BLNK: variants seen among roughly 807,000 people sequenced by gnomAD.
BLNK encodes B cell linker, also known as B-cell linker protein.
In BLNK, 29 loss-of-function variants were observed where a neutral mutation model predicts 73.5. The observed-to-expected ratio is 0.39, with a 90% CI of 0.29 to 0.54. The LOEUF is 0.54. BLNK is among the 20% of genes least tolerant of loss of function. The probability of loss-of-function intolerance (pLI) is 0.61; values close to 1 mark genes in which losing one functional copy is unlikely to be tolerated. For missense variants in BLNK, 460 were observed against 562.8 expected (o/e 0.82, Z 1.85); for synonymous variants, 176 against 200.8 (o/e 0.88, Z 1.04).
At chr10:96,245,305 T>C (rs1843004511) in intron 2 of BLNK, among the ~76,000 whole-genome samples, 2 of 152,214 alleles carry the variant, frequency 1.3e-5, no homozygotes, top group African/African-American at 2.4e-5. Flanking sequence ...CTATAAACTA[T>C]TTTTTGGTCC....
intron 8 of BLNK, among the ~76,000 whole-genome samples, chr10:96,212,636 C>T (rs1273667322): frequency 2.0e-5 from 3 of 152,142 alleles, no homozygotes; most frequent in South Asian, 2.1e-4. Flanking sequence ...ATATCACCCT[C>T]GGCAGGCACC....
Position 96,255,222 on chromosome 10 carries a change from C to T in BLNK, c.48-8173G>A, listed in dbSNP as rs188438765. On this transcript the variant is annotated intron_variant, in intron 1 of 16. Coordinates refer to ENST00000224337, the MANE Select transcript of BLNK (RefSeq NM_013314.4). Reference sequence around the variant, plus strand: ...CAGGAAGGATGGAGTTTAAGGACAGCGAGCTCTTCCAGGGCCAAGAGGGCA... The same window carrying T: ...CAGGAAGGATGGAGTTTAAGGACAGTGAGCTCTTCCAGGGCCAAGAGGGCA... 6.6e-5 allele frequency among the ~76,000 whole-genome samples: 10 copies of T among 152,240 alleles called. No individual in the cohort carries two copies. The East Asian group carries it at 1.9e-3, about 29-fold the overall frequency.
In BLNK at chr10:96,200,285, A is replaced by G; in HGVS notation, c.1012-127T>C. 1 of 651,966 alleles carries G rather than the reference A, an allele frequency of 1.5e-6. No individual in the cohort carries two copies. Among genetic ancestry groups the G allele is most frequent in the Non-Finnish European group, 2.7e-6 (1 of 369,742 alleles). 40.4% of individuals were successfully genotyped at this position (651,966 alleles called of 1,614,324 possible). A position where few individuals can be genotyped will look rare whatever the true frequency, so the allele number is the denominator to read the frequency against. On this transcript the variant is annotated intron_variant, in intron 14 of 16. Transcript: ENST00000224337. This position sits in a 1 kb window ranked among gnomAD's most constrained non-coding sequence, Gnocchi z 4.3. ...CTACATTTACACCAATAATTTTAAG[A>G]TGAGTTTTATTTTTCCTTTGATCAA...
At chr10:96,204,909 G>T in intron 11 of BLNK, 1 of 381,310 alleles carries the variant, frequency 2.6e-6, no homozygotes, top group Non-Finnish European at 5.0e-6. Flanking sequence ...TTAAGTGTGT[G>T]AGTATAGGTG....
chr10:96,244,436 C>G (rs1282393537), intron 2 of BLNK, among the ~76,000 whole-genome samples: 1 of 152,202 alleles, frequency 6.6e-6, no homozygotes, highest in African/African-American at 2.4e-5. Context: ...CCACTCAACA[C>G]TAGGAATAAA....
intron 11 of BLNK, among the ~76,000 whole-genome samples, chr10:96,205,926 G>GTCACTATCACTCCACAACCTGGAC (rs2083790839): frequency 1.3e-5 from 2 of 152,134 alleles, no homozygotes; most frequent in African/African-American, 2.4e-5. Flanking sequence ...AGCTCCTGAA[G>GTCACTATCACTCCACAACCTGGAC]TCACTATCAC....
intron 6 of BLNK, among the ~76,000 whole-genome samples, chr10:96,217,134 G>C (rs1438564992): frequency 1.3e-5 from 2 of 152,160 alleles, no homozygotes; most frequent in African/African-American, 2.4e-5. Context: ...CTGTGGTATA[G>C]TATGTATCAC....
chr10:96,215,540 C>T lies in BLNK; in HGVS notation c.608-151G>A, dbSNP rs1017410423. Reference sequence around the variant, plus strand: ...ATGGGAGACACCCTTATTAGACACACAAACCAATAAAAGAAGTCTTCTTAG... The same window carrying T: ...ATGGGAGACACCCTTATTAGACACATAAACCAATAAAAGAAGTCTTCTTAG... On this transcript the variant is annotated intron_variant, in intron 7 of 16. Coordinates refer to ENST00000224337, the MANE Select transcript of BLNK (RefSeq NM_013314.4). The T allele has an allele frequency of 8.1e-6, 5 of 613,770 alleles. No individual in the cohort carries two copies. The African/African-American group carries it at 9.3e-5, about 11-fold the overall frequency. 38.0% of individuals were successfully genotyped at this position (613,770 alleles called of 1,614,324 possible). A position where few individuals can be genotyped will look rare whatever the true frequency, so the allele number is the denominator to read the frequency against.
chr10:96,209,459 G>A (rs2083898086), intron 9 of BLNK, among the ~76,000 whole-genome samples: 1 of 152,098 alleles, frequency 6.6e-6, no homozygotes, highest in East Asian at 1.9e-4. Flanking sequence ...GTGCAGTGCT[G>A]TGATCTCAGC....
In BLNK at chr10:96,190,279, C is replaced by A; in HGVS notation, c.*1694G>T. 2 of 690,146 alleles carry A rather than the reference C, an allele frequency of 2.9e-6. No individual in the cohort carries two copies. Among genetic ancestry groups the A allele is most frequent in the South Asian group, 1.4e-5 (1 of 69,124 alleles). The allele number at this position is 690,146 out of a possible 1,614,324, so 42.8% of individuals were successfully genotyped here. On this transcript the variant is annotated 3_prime_UTR_variant, in exon 17 of 17. Coordinates refer to ENST00000224337, the MANE Select transcript of BLNK (RefSeq NM_013314.4). The stretch of plus-strand genomic sequence containing the variant: ...CAGACGGAGATAAACGACCACTGCT[C>A]AAGAGAACAGCCATACAGGATGGAA...
chr10:96,204,262 C>T lies in BLNK; in HGVS notation c.903-174G>A, dbSNP rs1591303443. On this transcript the variant is annotated intron_variant, in intron 12 of 16. Transcript: ENST00000224337. ...ACCAAAACCTTAAAGATAAGTAAGA[C>T]TCTTCCTTTTAGTTTTGAAAAAGGA... The T allele has an allele frequency of 8.9e-6, 7 of 784,024 alleles. No homozygotes were observed. In the Admixed American group the frequency reaches 1.4e-4, roughly 16 times the overall value. 48.6% of individuals were successfully genotyped at this position (784,024 alleles called of 1,614,324 possible). A position where few individuals can be genotyped will look rare whatever the true frequency, so the allele number is the denominator to read the frequency against.
Position 96,223,942 on chromosome 10 carries a change from G to A in BLNK, c.409C>T (p.Pro137Ser). Residue 137 changes from proline (P) to serine (S), a missense_variant, in exon 6 of 17, where the codon CCC becomes TCC. Transcript: ENST00000224337. Reference protein sequence around the residue: ...RHSPPFSKTLPSKPSWPSEKA... With the variant: ...RHSPPFSKTLSSKPSWPSEKA... ...TCTGAAGGCCAGCTGGGCTTACTGGGAAGTGTCTTGCTGAAGGGTGGGGAA... is the reference window on the plus strand; with the variant it reads ...TCTGAAGGCCAGCTGGGCTTACTGGAAAGTGTCTTGCTGAAGGGTGGGGAA... The A allele has an allele frequency of 6.2e-7, 1 of 1,613,452 alleles. No homozygotes were observed. The highest frequency in any genetic ancestry group is 1.7e-5 in the Admixed American group (1 of 60,022).
intron 1 of BLNK, among the ~76,000 whole-genome samples, chr10:96,268,348 T>A (rs782309864): frequency 4.6e-4 from 70 of 152,350 alleles, no homozygotes; most frequent in Non-Finnish European, 8.2e-4. Context: ...ATCATAGGAA[T>A]GTTTACTGTG....
At chr10:96,223,433 C>G (rs1021969061) in intron 6 of BLNK, among the ~76,000 whole-genome samples, 3 of 152,116 alleles carry the variant, frequency 2.0e-5, no homozygotes, top group Non-Finnish European at 2.9e-5. Context: ...TTCTGCCTTA[C>G]GCCCAGGAGG....
At chr10:96,207,945 A>G (rs1554897836) in intron 9 of BLNK, 46 bp from the exon 10 acceptor site, 2 of 1,587,568 alleles carry the variant, frequency 1.3e-6, no homozygotes, top group African/African-American at 2.7e-5. Context: ...CAACGAAGAC[A>G]AAATGGAGCT....
chr10:96,235,770 C>G (rs1268476013), intron 3 of BLNK, among the ~76,000 whole-genome samples: 1 of 151,976 alleles, frequency 6.6e-6, no homozygotes, highest in Admixed American at 6.6e-5. Flanking sequence ...GTGTCTTCCT[C>G]CATCATCTGA....
chr10:96,192,330 A>T (rs1554893656), intron 16 of BLNK, among the ~76,000 whole-genome samples: 1 of 152,222 alleles, frequency 6.6e-6, no homozygotes, highest in East Asian at 1.9e-4. Context: ...AGCTACTTAG[A>T]GAGATTACTT....
chr10:96,217,254 T>G (rs587682416), intron 6 of BLNK, among the ~76,000 whole-genome samples: 1 of 152,240 alleles, frequency 6.6e-6, no homozygotes, highest in Non-Finnish European at 1.5e-5. Context: ...TTTTTGGCTG[T>G]AATGAATAAT....
At chr10:96,220,365 G>A (rs1254676367) in intron 6 of BLNK, among the ~76,000 whole-genome samples, 1 of 152,198 alleles carries the variant, frequency 6.6e-6, no homozygotes, top group Non-Finnish European at 1.5e-5. Context: ...CTGGAATGGA[G>A]ACATTTGTAT....
Sources: allele counts gnomAD v4.1 joint callset (sites outside exome capture counted in the v4.1 genomes callset), GRCh38; gene constraint gnomAD v4.1.1; non-coding constraint Gnocchi (gnomAD v3.1); transcripts MANE v1.5; gene names NCBI Gene and HGNC (gene_info 2026-07-23, HGNC 2026-07-21).